The following ATRNL1 variants were observed in gnomAD, a reference collection of about 807,000 sequenced individuals.
ATRNL1 encodes the protein attractin like 1.
A neutral mutation model predicts 182.7 loss-of-function variants in ATRNL1; 95 were observed. The observed-to-expected ratio is 0.52, with a 90% confidence interval of 0.44 to 0.62. The LOEUF (loss-of-function observed/expected upper bound fraction) is 0.62. Among genes scored for constraint, ATRNL1 ranks in the 20% least tolerant of loss-of-function variants. ATRNL1 has a pLI of 0.00. For synonymous variants in ATRNL1, 576 were observed against 568.3 expected, an observed-to-expected ratio of 1.01 and a Z score of -0.19; for missense variants, 1,471 against 1,679.5, an observed-to-expected ratio of 0.88 and a Z score of 2.17.
chr10:115,160,301 A>G, intron 6 of ATRNL1, 87 bp downstream of exon 6: 3 of 1,298,646 alleles, frequency 2.3e-6, no homozygotes, highest in Non-Finnish European at 3.2e-6. Context: ...GTCCGAGAGT[A>G]AAAGTGGTTA....
chr10:115,919,949 A>G (rs1386418459), intron 28 of ATRNL1, among the ~76,000 whole-genome samples: 2 of 152,150 alleles, frequency 1.3e-5, no homozygotes, highest in African/African-American at 4.8e-5. Context: ...AAAAGGCACC[A>G]CCTACTAATA....
intron 1 of ATRNL1, among the ~76,000 whole-genome samples, chr10:115,112,568 A>G (rs1554868462): frequency 2.0e-5 from 3 of 152,188 alleles, no homozygotes; most frequent in Non-Finnish European, 4.4e-5. Flanking sequence ...GCTAAAATTG[A>G]AGCAAGAGCA....
chr10:115,941,183 G>T (rs1953720733), intron 28 of ATRNL1, among the ~76,000 whole-genome samples: 1 of 152,192 alleles, frequency 6.6e-6, no homozygotes, highest in East Asian at 1.9e-4. Context: ...ATCTGAAAAT[G>T]CAGTTGATTG....
chr10:115,351,044 G>T (rs1856225440), intron 19 of ATRNL1, among the ~76,000 whole-genome samples: 1 of 151,924 alleles, frequency 6.6e-6, no homozygotes, highest in African/African-American at 2.4e-5. Context: ...TGATTTTTCA[G>T]ATTGTTCTCT....
chr10:115,790,886 G>GT (rs1555081646), intron 27 of ATRNL1, among the ~76,000 whole-genome samples: 1 of 152,006 alleles, frequency 6.6e-6, no homozygotes, highest in East Asian at 1.9e-4. Context: ...AAAATGTTCG[G>GT]GGGTTTTTAA....
At chr10:115,850,725 C>G (rs1555100263) in intron 28 of ATRNL1, among the ~76,000 whole-genome samples, 3 of 152,200 alleles carry the variant, frequency 2.0e-5, no homozygotes, top group Non-Finnish European at 4.4e-5. Context: ...TTAGCAACCA[C>G]TTGAATCTGT....
intron 26 of ATRNL1, among the ~76,000 whole-genome samples, chr10:115,683,004 G>A (rs1555045208): frequency 6.6e-6 from 1 of 152,062 alleles, no homozygotes. Context: ...TTCTGTAAAA[G>A]GGGGATGGGG....
intron 28 of ATRNL1, among the ~76,000 whole-genome samples, chr10:115,908,330 G>A (rs940681280): frequency 1.3e-4 from 20 of 151,800 alleles, no homozygotes; most frequent in African/African-American, 4.4e-4. Flanking sequence ...TTTTTTTCTG[G>A]GGGCTCTGGG....
chr10:115,305,121 C>T (rs1853661640), intron 17 of ATRNL1, among the ~76,000 whole-genome samples: 1 of 151,622 alleles, frequency 6.6e-6, no homozygotes, highest in Admixed American at 6.6e-5. Flanking sequence ...TGATACTAGT[C>T]CTTCTTGCTC....
At chr10:115,344,535 C>A (rs1855893289) in intron 19 of ATRNL1, among the ~76,000 whole-genome samples, 1 of 152,096 alleles carries the variant, frequency 6.6e-6, no homozygotes, top group Admixed American at 6.5e-5. Context: ...GGAGTGGGCT[C>A]CCCTCTGGCC....
At chr10:115,169,747 A>G (rs1292463691) in intron 7 of ATRNL1, among the ~76,000 whole-genome samples, 3 of 152,160 alleles carry the variant, frequency 2.0e-5, no homozygotes, top group Non-Finnish European at 2.9e-5. Context: ...TATCTTAACA[A>G]TGTTAAGTCT....
chr10:115,133,705 C>T (rs543762784), intron 5 of ATRNL1, among the ~76,000 whole-genome samples: 52 of 152,306 alleles, frequency 3.4e-4, no homozygotes, highest in African/African-American at 1.2e-3. Flanking sequence ...ACCTAATAGA[C>T]ATCTACAGAA....
At chr10:115,936,614 C>T (rs1448890699) in intron 28 of ATRNL1, among the ~76,000 whole-genome samples, 1 of 152,128 alleles carries the variant, frequency 6.6e-6, no homozygotes, top group African/African-American at 2.4e-5. Flanking sequence ...CTTTCACATA[C>T]ATAACCTCAC....
At chr10:115,938,364 T>G (rs1555123377) in intron 28 of ATRNL1, among the ~76,000 whole-genome samples, 3 of 152,234 alleles carry the variant, frequency 2.0e-5, no homozygotes, top group Non-Finnish European at 1.5e-5. Flanking sequence ...AAGACATGTT[T>G]ACCATTTAAT....
chr10:115,707,513 C>T (rs1555053379), intron 26 of ATRNL1, among the ~76,000 whole-genome samples: 6 of 151,588 alleles, frequency 4.0e-5, no homozygotes, highest in Admixed American at 1.3e-4. Context: ...TCCATCTCCC[C>T]GTATCCCCCA....
At chr10:115,197,935 G>T (rs950304487) in intron 8 of ATRNL1, among the ~76,000 whole-genome samples, 1 of 152,098 alleles carries the variant, frequency 6.6e-6, no homozygotes, top group Non-Finnish European at 1.5e-5. Flanking sequence ...GAGCCCTTAG[G>T]TTGATTCCAT....
intron 27 of ATRNL1, among the ~76,000 whole-genome samples, chr10:115,749,730 A>C (rs1474790906): frequency 6.6e-6 from 1 of 151,822 alleles, no homozygotes; most frequent in African/African-American, 2.4e-5. Context: ...TTATTTTGGA[A>C]TGGAAAGAGA....
chr10:115,662,049 A>G (rs1469701512), intron 26 of ATRNL1, among the ~76,000 whole-genome samples: 1 of 151,668 alleles, frequency 6.6e-6, no homozygotes, highest in African/African-American at 2.4e-5. Flanking sequence ...TGTCCTTGCA[A>G]TACTTTGCTG....
chr10:115,752,530 C>T (rs1948476166), intron 27 of ATRNL1, among the ~76,000 whole-genome samples: 1 of 151,912 alleles, frequency 6.6e-6, no homozygotes. Flanking sequence ...GATAATTGAC[C>T]ATTACATTTA....
Sources: allele counts gnomAD v4.1 joint callset (sites outside exome capture counted in the v4.1 genomes callset), GRCh38; gene constraint gnomAD v4.1.1; transcripts MANE v1.5; gene names NCBI Gene and HGNC (gene_info 2026-07-23, HGNC 2026-07-21).